CACNA2D3: variants seen among roughly 807,000 people sequenced by gnomAD.
CACNA2D3 encodes the protein voltage-dependent calcium channel subunit alpha-2/delta-3.
CACNA2D3 carries 60 observed loss-of-function variants against 160.6 expected under a neutral mutation model. The observed-to-expected ratio is 0.37, with a 90% CI of 0.30 to 0.46. The LOEUF is 0.46. Among genes scored for constraint, CACNA2D3 ranks in the 20% least tolerant of loss-of-function variants. The pLI, the probability that CACNA2D3 is intolerant of heterozygous loss-of-function variation, is 1.00. For synonymous variants in CACNA2D3, 558 were observed against 492.9 expected (o/e 1.13, Z -1.75); for missense variants, 1,205 against 1,365.0 (o/e 0.88, Z 1.85).
chr3:54,489,065 G>A (rs1258495973), intron 4 of CACNA2D3, among the ~76,000 whole-genome samples: 2 of 152,206 alleles, frequency 1.3e-5, no homozygotes, highest in East Asian at 1.9e-4. Flanking sequence ...AGAGACCAGG[G>A]AGGCTGAATG....
At position 54,352,257 on chromosome 3, in the gene CACNA2D3, T is replaced by C. The variant is rs561375156; in HGVS notation, c.321+31699T>C. ...TCCTGGGAGCCTCTACTGAGTCGTT[T>C]ATAAAATAAAGGTGGTAGTAGCACC... On this transcript the variant is annotated intron_variant, in intron 3 of 37. Transcript: ENST00000474759. Among the ~76,000 whole-genome samples, 5 of 152,296 alleles carry C rather than the reference T, an allele frequency of 3.3e-5. No individual in the cohort carries two copies. The South Asian group carries it at 6.2e-4, about 19-fold the overall frequency.
At chr3:54,263,149 G>A (rs1358922983) in intron 2 of CACNA2D3, among the ~76,000 whole-genome samples, 2 of 152,124 alleles carry the variant, frequency 1.3e-5, no homozygotes, top group African/African-American at 2.4e-5. Context: ...TGTGCAACTT[G>A]CTTATTTTGT....
chr3:54,480,449 AT>A (rs1700914584), intron 4 of CACNA2D3, among the ~76,000 whole-genome samples: 1 of 151,928 alleles, frequency 6.6e-6, no homozygotes, highest in Non-Finnish European at 1.5e-5. Context: ...TTCTCCCCAT[AT>A]TTTACTGTCT....
intron 8 of CACNA2D3, among the ~76,000 whole-genome samples, chr3:54,580,531 T>C (rs1702657672): frequency 6.6e-6 from 1 of 152,104 alleles, no homozygotes; most frequent in Non-Finnish European, 1.5e-5. Context: ...CTGGGAGAGA[T>C]GGTTCTGTTC....
At chr3:54,976,894 A>G (rs1356775201) in intron 29 of CACNA2D3, among the ~76,000 whole-genome samples, 1 of 152,206 alleles carries the variant, frequency 6.6e-6, no homozygotes, top group Admixed American at 6.5e-5. Context: ...TATAAGGAGC[A>G]TTATAAGGAG....
At chr3:54,967,648 G>A (rs898221480) in intron 27 of CACNA2D3, among the ~76,000 whole-genome samples, 1 of 152,152 alleles carries the variant, frequency 6.6e-6, no homozygotes, top group Non-Finnish European at 1.5e-5. Context: ...CCCACCATCT[G>A]AGGAGCATTT....
At chr3:54,890,495 C>CAAAAAA (rs34740812) in intron 24 of CACNA2D3, among the ~76,000 whole-genome samples, 14 of 59,824 alleles carry the variant, frequency 2.3e-4, no homozygotes, top group Middle Eastern at 8.5e-3. Context: ...GACTCCGTCT[C>CAAAAAA]AAAAAAAAAA....
At chr3:54,717,639 G>A (rs1559557538) in intron 11 of CACNA2D3, among the ~76,000 whole-genome samples, 1 of 145,840 alleles carries the variant, frequency 6.9e-6, no homozygotes, top group Non-Finnish European at 1.5e-5. Context: ...TGTGTGTGGT[G>A]TGTGCGTGTC....
intron 35 of CACNA2D3, among the ~76,000 whole-genome samples, chr3:55,019,690 G>T (rs554242202): frequency 6.6e-6 from 1 of 152,206 alleles, no homozygotes; most frequent in Non-Finnish European, 1.5e-5. Context: ...TGCATGGACA[G>T]TAATATCATT....
chr3:54,518,631 C>T (rs577437969), intron 5 of CACNA2D3, among the ~76,000 whole-genome samples: 18 of 152,324 alleles, frequency 1.2e-4, no homozygotes, highest in African/African-American at 3.8e-4. Context: ...CTTATCCTGA[C>T]ACATTTTATT....
chr3:54,272,462 A>G lies in CACNA2D3; in HGVS notation c.205-47980A>G, dbSNP rs542282355. 3.3e-5 allele frequency among the ~76,000 whole-genome samples: 5 copies of G among 152,218 alleles called. No individual in the cohort carries two copies. The East Asian group carries it at 7.8e-4, about 24-fold the overall frequency. ...CAAATGTGCTGGTTGTGGGAGGACC[A>G]TGGGACCTTACTGGCTTCCTACACT... On this transcript the variant is annotated intron_variant, in intron 2 of 37. Transcript: ENST00000474759.
At chr3:54,739,395 G>C (rs555292851) in intron 11 of CACNA2D3, among the ~76,000 whole-genome samples, 107 of 145,894 alleles carry the variant, frequency 7.3e-4, no homozygotes, top group Non-Finnish European at 1.4e-3. Context: ...ACTCCAGCCT[G>C]GGTGACAGAG....
chr3:54,754,634 A>T (rs1701937662), intron 12 of CACNA2D3, among the ~76,000 whole-genome samples: 1 of 152,148 alleles, frequency 6.6e-6, no homozygotes, highest in Non-Finnish European at 1.5e-5. Context: ...ATGTTTGAAA[A>T]AATAGGTAAG....
chr3:54,629,353 A>G lies in CACNA2D3; in HGVS notation c.1053+1477A>G, dbSNP rs201580665. ...TGACTCCAAAACTTGACTTTTTACTACTCAGCTATACTGGCCTCTCAAGAA... is the reference window on the plus strand; with the variant it reads ...TGACTCCAAAACTTGACTTTTTACTGCTCAGCTATACTGGCCTCTCAAGAA... On this transcript the variant is annotated intron_variant, in intron 10 of 37. Coordinates refer to ENST00000474759, the MANE Select transcript of CACNA2D3 (RefSeq NM_018398.3). Among the ~76,000 whole-genome samples, 3 of 152,012 alleles carry G rather than the reference A, an allele frequency of 2.0e-5. No individual in the cohort carries two copies. The East Asian group carries it at 5.8e-4, about 29-fold the overall frequency.
chr3:54,602,524 GAAAAAAGAA>G (rs1703081714), intron 9 of CACNA2D3, among the ~76,000 whole-genome samples: 1 of 146,518 alleles, frequency 6.8e-6, no homozygotes, highest in African/African-American at 2.5e-5. Context: ...AAAAAAAAGG[GAAAAAAGAA>G]AAAAGAGAGC....
chr3:54,845,177 G>T (rs1003241963), intron 16 of CACNA2D3, among the ~76,000 whole-genome samples: 1 of 152,130 alleles, frequency 6.6e-6, no homozygotes, highest in Non-Finnish European at 1.5e-5. Context: ...GAAGACGTCT[G>T]TTGCCCTTGA....
At chr3:54,956,524 T>A (rs7641412) in intron 27 of CACNA2D3, among the ~76,000 whole-genome samples, 2,160 of 152,318 alleles carry the variant, frequency 0.014, 49 homozygotes, top group African/African-American at 0.049. Context: ...TCAAACTCGT[T>A]ACCAACCTAG....
intron 5 of CACNA2D3, among the ~76,000 whole-genome samples, chr3:54,544,409 T>G (rs80268466): frequency 6.6e-6 from 1 of 151,002 alleles, no homozygotes; most frequent in African/African-American, 2.5e-5. Flanking sequence ...TTTTTTTTTT[T>G]AATGTTTTTA....
chr3:54,704,150 C>T (rs927445997), intron 11 of CACNA2D3, among the ~76,000 whole-genome samples: 6 of 152,146 alleles, frequency 3.9e-5, no homozygotes, highest in African/African-American at 1.4e-4. Context: ...ATGACTCCAG[C>T]TGTATTGCCA....
Sources: allele counts gnomAD v4.1 joint callset (sites outside exome capture counted in the v4.1 genomes callset), GRCh38; gene constraint gnomAD v4.1.1; transcripts MANE v1.5; gene names NCBI Gene and HGNC (gene_info 2026-07-23, HGNC 2026-07-21).